DLG2: variants seen among roughly 807,000 people sequenced by gnomAD.
DLG2 encodes discs large MAGUK scaffold protein 2, also known as disks large homolog 2.
In DLG2, 45 loss-of-function variants were observed where a neutral mutation model predicts 132.5. That is an observed-to-expected ratio of 0.34 (90% confidence interval 0.27 to 0.44). The LOEUF (loss-of-function observed/expected upper bound fraction) is 0.44. Among genes scored for constraint, DLG2 ranks in the 20% least tolerant of loss-of-function variants. The probability of loss-of-function intolerance (pLI) is 1.00; values close to 1 mark genes in which losing one functional copy is unlikely to be tolerated. For synonymous variants in DLG2, 424 were observed against 419.6 expected, an observed-to-expected ratio of 1.01 and a Z score of -0.13; for missense variants, 1,045 against 1,196.9, an observed-to-expected ratio of 0.87 and a Z score of 1.87.
At chr11:84,723,985 A>G (rs1284291779) in intron 6 of DLG2, among the ~76,000 whole-genome samples, 2 of 152,172 alleles carry the variant, frequency 1.3e-5, no homozygotes, top group African/African-American at 2.4e-5. Context: ...GTTATACTTA[A>G]TCAGAAACTG....
chr11:84,901,521 A>G (rs1235408402), intron 6 of DLG2, among the ~76,000 whole-genome samples: 2 of 150,748 alleles, frequency 1.3e-5, no homozygotes, highest in Non-Finnish European at 3.0e-5. Flanking sequence ...ATATCCTTCA[A>G]AATTAAACAT....
intron 7 of DLG2, among the ~76,000 whole-genome samples, chr11:84,425,513 T>C (rs772013690): frequency 1.2e-4 from 19 of 152,266 alleles, no homozygotes; most frequent in Non-Finnish European, 2.4e-4. Flanking sequence ...GCCATTTTCA[T>C]AAAGCCTTTG....
intron 6 of DLG2, among the ~76,000 whole-genome samples, chr11:84,555,080 T>A (rs2099409357): frequency 6.6e-6 from 1 of 152,058 alleles, no homozygotes; most frequent in East Asian, 1.9e-4. Context: ...TTGTTAGCCT[T>A]GGGAAGGATT....
At chr11:83,923,261 A>T (rs1206073018) in intron 15 of DLG2, among the ~76,000 whole-genome samples, 1 of 152,174 alleles carries the variant, frequency 6.6e-6, no homozygotes. Context: ...TAATGTGGCT[A>T]GTGCCTGGAT....
At chr11:85,084,573 C>T (rs1400494569) in intron 6 of DLG2, among the ~76,000 whole-genome samples, 1 of 152,094 alleles carries the variant, frequency 6.6e-6, no homozygotes, top group Non-Finnish European at 1.5e-5. Flanking sequence ...GTAGTATCAA[C>T]TAAAAGTGTA....
intron 18 of DLG2, among the ~76,000 whole-genome samples, chr11:83,682,966 T>C (rs1289714207): frequency 6.6e-6 from 1 of 152,106 alleles, no homozygotes; most frequent in Non-Finnish European, 1.5e-5. Flanking sequence ...CCAGGTCTTC[T>C]GATGGCAAAG....
intron 7 of DLG2, among the ~76,000 whole-genome samples, chr11:84,252,710 T>C (rs766967597): frequency 3.9e-5 from 6 of 152,220 alleles, no homozygotes; most frequent in Non-Finnish European, 8.8e-5. Flanking sequence ...GAGCTATCTT[T>C]ACTTTTTAGT....
intron 15 of DLG2, among the ~76,000 whole-genome samples, chr11:83,917,296 T>C (rs539063174): frequency 6.6e-6 from 1 of 152,290 alleles, no homozygotes; most frequent in South Asian, 2.1e-4. Flanking sequence ...TTATTACCTT[T>C]TACAGAGTCA....
rs181886177 is a variant in DLG2 at position 83,559,349 on chromosome 11, C to T, written c.1941-17491G>A. On this transcript the variant is annotated intron_variant, in intron 19 of 27. Transcript: ENST00000376104. ...TTCTCCATGTGAAGGGAGAATTACT[C>T]GCATAATCTTGTTGTTCCTGTTGTG... 2.4e-3 allele frequency among the ~76,000 whole-genome samples: 359 copies of T among 152,202 alleles called. 2 individuals carry two copies. The highest frequency in any genetic ancestry group is 3.3e-3 in the Non-Finnish European group (222 of 68,004).
At chr11:83,578,060 A>G (rs374419466) in intron 19 of DLG2, among the ~76,000 whole-genome samples, 1 of 102,790 alleles carries the variant, frequency 9.7e-6, no homozygotes, top group Non-Finnish European at 1.9e-5. Flanking sequence ...GTGTGTGTAT[A>G]CATATATATA....
intron 3 of DLG2, among the ~76,000 whole-genome samples, chr11:85,405,680 T>G (rs2088659362): frequency 6.6e-6 from 1 of 151,964 alleles, no homozygotes; most frequent in Non-Finnish European, 1.5e-5. Flanking sequence ...GGTTAAATAT[T>G]TTGTTCAAGG....
intron 4 of DLG2, among the ~76,000 whole-genome samples, chr11:85,189,386 T>C (rs1296981189): frequency 6.6e-6 from 1 of 152,216 alleles, no homozygotes; most frequent in African/African-American, 2.4e-5. Context: ...CCATGCTGTA[T>C]CTATTCAATG....
intron 18 of DLG2, among the ~76,000 whole-genome samples, chr11:83,650,554 G>C (rs1403179219): frequency 6.6e-6 from 1 of 152,152 alleles, no homozygotes; most frequent in Non-Finnish European, 1.5e-5. Flanking sequence ...ATAGAACTGT[G>C]CTGTAATAAG....
chr11:83,641,083 G>A (rs1356087820), intron 18 of DLG2, among the ~76,000 whole-genome samples: 1 of 152,134 alleles, frequency 6.6e-6, no homozygotes, highest in African/African-American at 2.4e-5. Flanking sequence ...ATCCTTTTAA[G>A]CAGTATCGAT....
intron 6 of DLG2, among the ~76,000 whole-genome samples, chr11:84,673,601 TAA>T (rs545722898): frequency 0.1 from 12,543 of 120,268 alleles, 887 homozygotes; most frequent in African/African-American, 0.22. Context: ...CCCTAGAATC[TAA>T]AAAAAAAAAA....
intron 4 of DLG2, among the ~76,000 whole-genome samples, chr11:85,220,629 G>GAAAAA (rs568361391): frequency 1.4e-5 from 2 of 144,470 alleles, no homozygotes; most frequent in Admixed American, 1.4e-4. Context: ...ATATCAAATA[G>GAAAAA]AAAAAAAAAT....
At chr11:84,154,370 G>A (rs1778553512) in intron 9 of DLG2, among the ~76,000 whole-genome samples, 1 of 152,148 alleles carries the variant, frequency 6.6e-6, no homozygotes, top group Non-Finnish European at 1.5e-5. Context: ...TACATAAAGT[G>A]AAAGCAAATC....
intron 4 of DLG2, among the ~76,000 whole-genome samples, chr11:85,267,567 A>C (rs1019745801): frequency 6.6e-6 from 1 of 152,202 alleles, no homozygotes; most frequent in African/African-American, 2.4e-5. Flanking sequence ...GTTGTCAAAT[A>C]ATCTGACACA....
intron 18 of DLG2, among the ~76,000 whole-genome samples, chr11:83,712,083 T>C (rs1252495850): frequency 6.6e-6 from 1 of 152,150 alleles, no homozygotes; most frequent in Non-Finnish European, 1.5e-5. Flanking sequence ...AGTCCAACCA[T>C]TGTGGAAGAC....
Sources: gnomAD v4.1 joint callset for allele counts (sites outside exome capture counted in the v4.1 genomes callset) on GRCh38, gnomAD v4.1.1 for gene constraint, MANE v1.5 for transcripts, NCBI Gene and HGNC (gene_info 2026-07-23, HGNC 2026-07-21) for gene names.